CTNNA3: variants seen among roughly 807,000 people sequenced by gnomAD.
CTNNA3 encodes the protein catenin alpha 3, also known as catenin alpha-3.
In CTNNA3, 76 loss-of-function variants were observed where a neutral mutation model predicts 95.7. The observed-to-expected ratio is 0.79, with a 90% CI of 0.66 to 0.96. The LOEUF (loss-of-function observed/expected upper bound fraction) is 0.96. CTNNA3 is among the 40% of genes least tolerant of loss of function. The probability of loss-of-function intolerance (pLI) is 0.00; values close to 1 mark genes in which losing one functional copy is unlikely to be tolerated. For synonymous variants in CTNNA3, 431 were observed against 374.4 expected (o/e 1.15, Z -1.74); for missense variants, 1,191 against 1,089.8 (o/e 1.09, Z -1.31).
At chr10:66,310,165 T>A (rs1306779981) in intron 12 of CTNNA3, among the ~76,000 whole-genome samples, 3 of 151,838 alleles carry the variant, frequency 2.0e-5, no homozygotes, top group Non-Finnish European at 4.4e-5. Context: ...CAATGGCCTT[T>A]TTTAGAATAA....
chr10:67,468,376 A>T lies in CTNNA3; in HGVS notation c.579+53466T>A, dbSNP rs921827628. On this transcript the variant is annotated intron_variant, in intron 5 of 17. Coordinates refer to ENST00000433211, the MANE Select transcript of CTNNA3 (RefSeq NM_013266.4). The stretch of plus-strand genomic sequence containing the variant: ...AGACCCTGTTCCTTTTAAAAAAAAA[A>T]TGGAAAAGAAAGGAAGAAAAATAAT... 2.0e-4 allele frequency among the ~76,000 whole-genome samples: 30 copies of T among 152,008 alleles called. 1 individual carries two copies. The highest frequency in any genetic ancestry group is 7.0e-4 in the African/African-American group (29 of 41,310).
At chr10:66,882,817 A>G (rs759996405) in intron 7 of CTNNA3, among the ~76,000 whole-genome samples, 1 of 152,156 alleles carries the variant, frequency 6.6e-6, no homozygotes, top group African/African-American at 2.4e-5. Context: ...GCATGGAAAC[A>G]TAGGATGTAA....
At chr10:66,789,602 T>G (rs968407716) in intron 7 of CTNNA3, among the ~76,000 whole-genome samples, 5 of 152,196 alleles carry the variant, frequency 3.3e-5, no homozygotes, top group Non-Finnish European at 7.3e-5. Flanking sequence ...ATATACTCCA[T>G]TTGACCAAGA....
At chr10:65,926,580 G>T (rs561797958) in intron 17 of CTNNA3, among the ~76,000 whole-genome samples, 1 of 151,410 alleles carries the variant, frequency 6.6e-6, no homozygotes, top group Non-Finnish European at 1.5e-5. Flanking sequence ...GGGTTCAAGC[G>T]ATTCTCCTGC....
intron 16 of CTNNA3, among the ~76,000 whole-genome samples, chr10:65,978,635 C>T (rs1666432400): frequency 6.6e-6 from 1 of 152,108 alleles, no homozygotes; most frequent in South Asian, 2.1e-4. Flanking sequence ...CATGCCATTT[C>T]AGCATCTCAT....
intron 1 of CTNNA3, among the ~76,000 whole-genome samples, chr10:67,729,226 A>C (rs1417196363): frequency 1.3e-5 from 2 of 152,110 alleles, no homozygotes; most frequent in East Asian, 3.8e-4. Flanking sequence ...AATTCCACCC[A>C]CTTTAAGCCT....
intron 11 of CTNNA3, among the ~76,000 whole-genome samples, chr10:66,389,253 G>C (rs749908284): frequency 4.6e-5 from 7 of 151,976 alleles, no homozygotes; most frequent in Non-Finnish European, 8.8e-5. Flanking sequence ...CTCAACAAAT[G>C]CATCATTTTT....
chr10:67,482,290 T>G (rs1381355648), intron 5 of CTNNA3, among the ~76,000 whole-genome samples: 16 of 152,182 alleles, frequency 1.1e-4, no homozygotes, highest in African/African-American at 2.2e-4. Flanking sequence ...GTGAAGAAAG[T>G]CATTGGTAGC....
chr10:66,300,172 G>A (rs1200812322), intron 12 of CTNNA3, among the ~76,000 whole-genome samples: 3 of 152,180 alleles, frequency 2.0e-5, no homozygotes, highest in African/African-American at 7.2e-5. Flanking sequence ...GATTACAGGT[G>A]TGAGCCACCA....
intron 12 of CTNNA3, among the ~76,000 whole-genome samples, chr10:66,311,145 C>T (rs1278557905): frequency 6.6e-6 from 1 of 152,072 alleles, no homozygotes; most frequent in African/African-American, 2.4e-5. Context: ...CATATATATC[C>T]AAAGAATATA....
chr10:67,132,394 C>A (rs1283475019), intron 7 of CTNNA3, among the ~76,000 whole-genome samples: 1 of 151,958 alleles, frequency 6.6e-6, no homozygotes, highest in Non-Finnish European at 1.5e-5. Flanking sequence ...CTTTGCTGGA[C>A]AACTATAAAA....
chr10:66,749,532 T>C (rs1839046625), intron 9 of CTNNA3, among the ~76,000 whole-genome samples: 1 of 152,220 alleles, frequency 6.6e-6, no homozygotes, highest in South Asian at 2.1e-4. Context: ...TGTCTTTTCA[T>C]GGCTTGGTAG....
At chr10:67,273,069 T>A (rs1483677288) in intron 5 of CTNNA3, among the ~76,000 whole-genome samples, 1 of 152,142 alleles carries the variant, frequency 6.6e-6, no homozygotes, top group African/African-American at 2.4e-5. Context: ...AGCCATCCTG[T>A]ATCAGAGTTC....
chr10:67,015,233 C>T (rs977832330), intron 7 of CTNNA3: 1 of 152,218 alleles, frequency 6.6e-6, no homozygotes. Flanking sequence ...CATTTATATG[C>T]TATTCTCTAA....
intron 9 of CTNNA3, among the ~76,000 whole-genome samples, chr10:66,737,412 AGTTCTT>A (rs1229087467): frequency 6.6e-6 from 1 of 152,122 alleles, no homozygotes; most frequent in Non-Finnish European, 1.5e-5. Context: ...TTAATTCTCT[AGTTCTT>A]AGTTGCCGCA....
chr10:66,726,877 C>G (rs1848799044), intron 9 of CTNNA3, among the ~76,000 whole-genome samples: 1 of 152,064 alleles, frequency 6.6e-6, no homozygotes, highest in Non-Finnish European at 1.5e-5. Flanking sequence ...ATAAATCCAG[C>G]AGAAAATTTC....
At chr10:67,256,049 A>C (rs7350385) in intron 5 of CTNNA3, among the ~76,000 whole-genome samples, 45,639 of 151,762 alleles carry the variant, frequency 0.3, 12,843 homozygotes, top group African/African-American at 0.75. Flanking sequence ...CAAAAAAAAA[A>C]GGATTTCTCT....
intron 5 of CTNNA3, among the ~76,000 whole-genome samples, chr10:67,395,918 T>C (rs1844690055): frequency 6.6e-6 from 1 of 152,200 alleles, no homozygotes; most frequent in Non-Finnish European, 1.5e-5. Flanking sequence ...TGGTTTCCAT[T>C]TCAGAGCTCT....
At chr10:66,578,836 T>C (rs1302247155) in intron 10 of CTNNA3, among the ~76,000 whole-genome samples, 2 of 151,400 alleles carry the variant, frequency 1.3e-5, no homozygotes, top group Non-Finnish European at 3.0e-5. Context: ...CATTTTGGTA[T>C]CAGAATGATG....
Sources: gnomAD v4.1 joint callset for allele counts (sites outside exome capture counted in the v4.1 genomes callset) on GRCh38, gnomAD v4.1.1 for gene constraint, MANE v1.5 for transcripts, NCBI Gene and HGNC (gene_info 2026-07-23, HGNC 2026-07-21) for gene names.